Variants in PHTF2 observed in about 807,000 individuals in gnomAD.
The protein encoded by PHTF2 is protein PHTF2.
Under a neutral mutation model 101.2 loss-of-function variants are expected in PHTF2, and 60 were observed. The observed-to-expected ratio is 0.59, with a 90% CI of 0.48 to 0.73. PHTF2 has a LOEUF of 0.73. PHTF2 is among the 30% of genes least tolerant of loss of function. The pLI, the probability that PHTF2 is intolerant of heterozygous loss-of-function variation, is 0.00. For synonymous variants in PHTF2, 311 were observed against 307.3 expected (o/e 1.01, Z -0.13); for missense variants, 747 against 908.7 (o/e 0.82, Z 2.29).
chr7:77,949,969 G>A (rs1463448840), intron 17 of PHTF2, 136 bp downstream of exon 16: 9 of 506,328 alleles, frequency 1.8e-5, no homozygotes, highest in Non-Finnish European at 3.1e-5. Context: ...AAATTTAATA[G>A]GACACAAGCC....
chr7:77,819,714 G>A (rs1794124224), intron 1 of PHTF2, among the ~76,000 whole-genome samples: 1 of 152,114 alleles, frequency 6.6e-6, no homozygotes, highest in Admixed American at 6.5e-5. Context: ...TTGTCTTCTT[G>A]TCTAGTTTTG....
chr7:77,879,744 C>A (rs2150745278), intron 3 of PHTF2, among the ~76,000 whole-genome samples: 1 of 152,174 alleles, frequency 6.6e-6, no homozygotes, highest in South Asian at 2.1e-4. Context: ...GTTAAAATAT[C>A]TCTTTAGCTG....
intron 13 of PHTF2, among the ~76,000 whole-genome samples, chr7:77,939,613 A>G (rs1238495122): frequency 2.0e-5 from 3 of 151,732 alleles, no homozygotes; most frequent in South Asian, 4.1e-4. Flanking sequence ...AAAAAAGAAA[A>G]CAGAAAGAAA....
chr7:77,907,306 T>C (rs1801954748), intron 7 of PHTF2, among the ~76,000 whole-genome samples: 1 of 152,220 alleles, frequency 6.6e-6, no homozygotes, highest in Non-Finnish European at 1.5e-5. Context: ...TGAAATTTGT[T>C]TTCATGATAC....
At chr7:77,855,824 A>T (rs1797133089) in intron 3 of PHTF2, among the ~76,000 whole-genome samples, 1 of 151,952 alleles carries the variant, frequency 6.6e-6, no homozygotes, top group Admixed American at 6.6e-5. Flanking sequence ...ACGTTGATAT[A>T]CTCTGTCCAC....
exon 15 of PHTF2, chr7:77,940,529 G>C: frequency 6.3e-7 from 1 of 1,585,820 alleles, no homozygotes; most frequent in Non-Finnish European, 8.6e-7. Flanking sequence ...CTTTTTTAGC[G>C]ATTACTTTTT....
At chr7:77,825,279 A>G (rs1376286433) in intron 1 of PHTF2, among the ~76,000 whole-genome samples, 1 of 152,218 alleles carries the variant, frequency 6.6e-6, no homozygotes, top group Non-Finnish European at 1.5e-5. Context: ...CAAGGCTTCT[A>G]ATCCCAGCCC....
intron 5 of PHTF2, among the ~76,000 whole-genome samples, chr7:77,898,577 C>T (rs571608511): frequency 3.3e-5 from 5 of 152,220 alleles, no homozygotes; most frequent in African/African-American, 1.2e-4. Context: ...ACAGATACAG[C>T]CCATACTCAT....
rs1801129106 is a variant in PHTF2 at position 77,898,956 on chromosome 7, A to G, written c.217-1755A>G. Among the ~76,000 whole-genome samples, 6 of 151,994 alleles carry G rather than the reference A, an allele frequency of 3.9e-5. No individual in the cohort carries two copies. In the South Asian group the frequency reaches 1.2e-3, roughly 32 times the overall value. On this transcript the variant is annotated intron_variant, in intron 5 of 19. Transcript: ENST00000416283. ...GCTGGGATTACAGGCGAGTGCCACC[A>G]TGCCCAGCTAATTTTTTGTATTTTT...
At chr7:77,900,653 C>A in intron 5 of PHTF2, 58 bp from the exon 5 acceptor site, 1 of 854,904 alleles carries the variant, frequency 1.2e-6, no homozygotes, top group Non-Finnish European at 2.0e-6. Context: ...AATTGATTTT[C>A]TCCTGTTCTA....
At chr7:77,881,050 T>A (rs1168710801) in intron 3 of PHTF2, among the ~76,000 whole-genome samples, 2 of 152,156 alleles carry the variant, frequency 1.3e-5, no homozygotes, top group Non-Finnish European at 2.9e-5. Flanking sequence ...GTGGTTGTTT[T>A]TTTACCTTTT....
At chr7:77,900,896 G>C in intron 6 of PHTF2, 116 bp downstream of exon 5, 1 of 625,634 alleles carries the variant, frequency 1.6e-6, no homozygotes, top group Non-Finnish European at 2.9e-6. Flanking sequence ...AGAAATACTT[G>C]AGATTGGGTA....
intron 1 of PHTF2, among the ~76,000 whole-genome samples, chr7:77,815,870 G>T (rs542857043): frequency 6.6e-6 from 1 of 152,162 alleles, no homozygotes; most frequent in Non-Finnish European, 1.5e-5. Flanking sequence ...CTGCTGTCTC[G>T]GATCTGCTAG....
intron 1 of PHTF2, among the ~76,000 whole-genome samples, chr7:77,812,179 G>A (rs1284944559): frequency 6.6e-6 from 1 of 152,184 alleles, no homozygotes; most frequent in Non-Finnish European, 1.5e-5. Context: ...AGAACATTTA[G>A]TCTGGAAAAA....
At chr7:77,907,282 C>T (rs139385727) in intron 7 of PHTF2, among the ~76,000 whole-genome samples, 4 of 152,034 alleles carry the variant, frequency 2.6e-5, no homozygotes, top group African/African-American at 9.6e-5. Context: ...TTATTACTTA[C>T]AGTTACATAC....
At chr7:77,923,999 A>G (rs1422557563) in intron 11 of PHTF2, 19 of 888,018 alleles carry the variant, frequency 2.1e-5, no homozygotes, top group Non-Finnish European at 2.4e-5. Context: ...ATGATATAAG[A>G]AATTACATAA....
chr7:77,877,085 A>C (rs905936724), intron 3 of PHTF2, among the ~76,000 whole-genome samples: 5 of 151,386 alleles, frequency 3.3e-5, no homozygotes, highest in Non-Finnish European at 1.5e-5. Context: ...TCCCATGATT[A>C]ATGGAAGTCA....
chr7:77,856,139 A>G (rs562051724), intron 3 of PHTF2, among the ~76,000 whole-genome samples: 16 of 152,142 alleles, frequency 1.1e-4, no homozygotes, highest in Non-Finnish European at 2.1e-4. Flanking sequence ...ACACCCAGCT[A>G]CTTACAAAGC....
intron 16 of PHTF2, among the ~76,000 whole-genome samples, chr7:77,947,447 C>T (rs897495765): frequency 2.0e-5 from 3 of 151,714 alleles, no homozygotes; most frequent in African/African-American, 7.3e-5. Context: ...CCTGTAATCC[C>T]AGCTACTTGG....
Sources: gnomAD v4.1 joint callset for allele counts (sites outside exome capture counted in the v4.1 genomes callset) on GRCh38, gnomAD v4.1.1 for gene constraint, MANE v1.5 for transcripts, NCBI Gene and HGNC (gene_info 2026-07-23, HGNC 2026-07-21) for gene names.